The following STRN3 variants were observed in gnomAD, a reference collection of about 807,000 sequenced individuals.
STRN3 encodes the protein striatin-3.
A neutral mutation model predicts 95.6 loss-of-function variants in STRN3; 29 were observed. That is an observed-to-expected ratio of 0.30 (90% CI 0.23 to 0.41). STRN3 has a LOEUF of 0.41. STRN3 is among the 10% of genes least tolerant of loss of function. The probability of loss-of-function intolerance (pLI) is 1.00; values close to 1 mark genes in which losing one functional copy is unlikely to be tolerated. For missense variants in STRN3, 890 were observed against 972.1 expected (o/e 0.92, Z 1.12); for synonymous variants, 331 against 357.6 (o/e 0.93, Z 0.84).
intron 16 of STRN3, among the ~76,000 whole-genome samples, chr14:30,901,473 T>C (rs1896313753): frequency 6.6e-6 from 1 of 152,178 alleles, no homozygotes. Flanking sequence ...ATTTTCTATA[T>C]AATCTTCAAA....
chr14:31,021,975 C>T (rs1883528066), intron 1 of STRN3, among the ~76,000 whole-genome samples: 1 of 152,064 alleles, frequency 6.6e-6, no homozygotes, highest in African/African-American at 2.4e-5. Flanking sequence ...TCCCTTAATA[C>T]TATCAATAAA....
At chr14:30,946,263 T>C (rs928817364) in intron 5 of STRN3, among the ~76,000 whole-genome samples, 2 of 152,148 alleles carry the variant, frequency 1.3e-5, no homozygotes, top group Non-Finnish European at 2.9e-5. Context: ...ACTTAACAGG[T>C]TGGGTACGGT....
chr14:30,978,990 T>A (rs1314358427), intron 1 of STRN3, among the ~76,000 whole-genome samples: 1 of 126,094 alleles, frequency 7.9e-6, no homozygotes, highest in Non-Finnish European at 1.5e-5. Context: ...GCCGAGATCA[T>A]GCCACTGCAC....
intron 1 of STRN3, among the ~76,000 whole-genome samples, chr14:30,982,145 A>G (rs973925247): frequency 5.3e-5 from 8 of 151,772 alleles, no homozygotes; most frequent in Non-Finnish European, 1.2e-4. Context: ...AAAAAAGACT[A>G]AACAGTAATT....
chr14:30,979,656 G>A (rs917241904), intron 1 of STRN3, among the ~76,000 whole-genome samples: 11 of 152,206 alleles, frequency 7.2e-5, no homozygotes, highest in Middle Eastern at 3.4e-3. Flanking sequence ...CTGGAGTGCA[G>A]TGGCACCATC....
At chr14:30,947,393 C>T in intron 4 of STRN3, 130 bp from the exon 5 acceptor site, 2 of 675,366 alleles carry the variant, frequency 3.0e-6, no homozygotes, top group Non-Finnish European at 4.6e-6. Context: ...TCTTTCTTCT[C>T]TACAGACTAG....
intron 4 of STRN3, 49 bp downstream of exon 4, chr14:30,950,814 C>T (rs761407394): frequency 1.9e-6 from 3 of 1,552,220 alleles, no homozygotes; most frequent in African/African-American, 2.7e-5. Context: ...AGTATAAGCA[C>T]TTTCATACCT....
intron 8 of STRN3, among the ~76,000 whole-genome samples, chr14:30,925,239 A>AG (rs763031530): frequency 5.7e-5 from 8 of 141,220 alleles, no homozygotes; most frequent in Admixed American, 7.1e-5. Context: ...GGGGGCGGGC[A>AG]GGGGGGTAAA....
chr14:30,945,269 T>C lies in STRN3; in HGVS notation c.716+1821A>G, dbSNP rs887290173. 9.2e-5 allele frequency among the ~76,000 whole-genome samples: 14 copies of C among 152,300 alleles called. No homozygotes were observed. The South Asian group carries it at 1.9e-3, about 20-fold the overall frequency. ...AAAGAGTTTGGCAGGTCCTCAATCTTCTTCATTAGTCCAAAACTTGGAACC... is the reference window on the plus strand; with the variant it reads ...AAAGAGTTTGGCAGGTCCTCAATCTCCTTCATTAGTCCAAAACTTGGAACC... On this transcript the variant is annotated intron_variant, in intron 5 of 17. Transcript: ENST00000357479.
At position 31,026,341 on chromosome 14, in the gene STRN3, G is replaced by T. The variant is rs557861880; in HGVS notation, c.-156C>A. The T allele has an allele frequency of 7.1e-6, 5 of 703,752 alleles. No homozygotes were observed. Among genetic ancestry groups the T allele is most frequent in the Admixed American group, 4.4e-5 (1 of 22,544 alleles). 43.6% of individuals were successfully genotyped at this position (703,752 alleles called of 1,614,324 possible). A position where few individuals can be genotyped will look rare whatever the true frequency, so the allele number is the denominator to read the frequency against. ...TGTGCCTGCCGTGGGTCAGAGCAGGGAGCTGCCGGCTGCCGCCATTACAAT... is the reference window on the plus strand; with the variant it reads ...TGTGCCTGCCGTGGGTCAGAGCAGGTAGCTGCCGGCTGCCGCCATTACAAT... On this transcript the variant is annotated 5_prime_UTR_variant, in exon 1 of 18. Coordinates refer to ENST00000357479, the MANE Select transcript of STRN3 (RefSeq NM_001083893.2).
intron 5 of STRN3, among the ~76,000 whole-genome samples, chr14:30,945,487 C>T (rs550748259): frequency 1.3e-5 from 2 of 152,126 alleles, no homozygotes; most frequent in Admixed American, 6.5e-5. Context: ...AACCTGTGGT[C>T]CCAGCTACTC....
chr14:31,020,492 T>A (rs1223784825), intron 1 of STRN3, among the ~76,000 whole-genome samples: 1 of 150,130 alleles, frequency 6.7e-6, no homozygotes, highest in Non-Finnish European at 1.5e-5. Context: ...GAGCGAAAAC[T>A]GTCTCTAAAA....
intron 1 of STRN3, among the ~76,000 whole-genome samples, chr14:30,971,399 A>G (rs568628122): frequency 1.4e-4 from 21 of 152,370 alleles, no homozygotes; most frequent in South Asian, 6.2e-4. Context: ...ATACCAGATC[A>G]ATTTAAAGCC....
intron 7 of STRN3, 83 bp downstream of exon 7, chr14:30,935,080 A>G: frequency 2.0e-6 from 3 of 1,535,294 alleles, no homozygotes; most frequent in South Asian, 1.3e-5. Context: ...ATATTTATAC[A>G]CACATTCCAC....
chr14:31,004,195 G>A (rs1445400364), intron 1 of STRN3, among the ~76,000 whole-genome samples: 1 of 151,962 alleles, frequency 6.6e-6, no homozygotes, highest in Non-Finnish European at 1.5e-5. Flanking sequence ...TGAGAGGTGG[G>A]AAGATCACCT....
chr14:31,009,606 T>TTC (rs1399634259), intron 1 of STRN3, among the ~76,000 whole-genome samples: 1 of 149,358 alleles, frequency 6.7e-6, no homozygotes, highest in Non-Finnish European at 1.5e-5. Flanking sequence ...CATTGCCAAT[T>TTC]TTTTTTTTTT....
chr14:30,951,439 C>G (rs1879636399), intron 3 of STRN3, among the ~76,000 whole-genome samples: 2 of 152,002 alleles, frequency 1.3e-5, no homozygotes, highest in African/African-American at 4.8e-5. Context: ...GCCATATTGC[C>G]CAATCTGGTC....
chr14:30,950,000 A>C (rs1879560992), intron 4 of STRN3, among the ~76,000 whole-genome samples: 2 of 152,198 alleles, frequency 1.3e-5, no homozygotes, highest in Admixed American at 1.3e-4. Flanking sequence ...TTTCAGGTAC[A>C]TTTAGTAAAA....
chr14:30,899,221 T>A (rs1896239215), intron 16 of STRN3, among the ~76,000 whole-genome samples: 1 of 152,142 alleles, frequency 6.6e-6, no homozygotes, highest in Non-Finnish European at 1.5e-5. Flanking sequence ...CTCCTCCACA[T>A]CCCTCATTCA....
Sources: gnomAD v4.1 joint callset for allele counts (sites outside exome capture counted in the v4.1 genomes callset) on GRCh38, gnomAD v4.1.1 for gene constraint, MANE v1.5 for transcripts, NCBI Gene and HGNC (gene_info 2026-07-23, HGNC 2026-07-21) for gene names.